Variants in RNF13 observed in about 807,000 individuals in gnomAD.
The protein encoded by RNF13 is ring finger protein 13, also known as E3 ubiquitin-protein ligase RNF13.
In RNF13, 19 loss-of-function variants were observed where a neutral mutation model predicts 37.7. That is an observed-to-expected ratio of 0.50 (90% CI 0.35 to 0.74). The LOEUF (loss-of-function observed/expected upper bound fraction) is 0.74. Among genes scored for constraint, RNF13 ranks in the 30% least tolerant of loss-of-function variants. RNF13 has a pLI of 0.01. For synonymous variants in RNF13, 144 were observed against 157.8 expected (o/e 0.91, Z 0.65); for missense variants, 375 against 453.0 (o/e 0.83, Z 1.56).
At chr3:149,911,949 C>T in intron 6 of RNF13, 29 bp from the exon 7 acceptor site, 1 of 1,130,132 alleles carries the variant, frequency 8.8e-7, no homozygotes, top group South Asian at 1.3e-5. Flanking sequence ...CTCTTCATTT[C>T]TCAATTATTG....
chr3:149,868,719 G>A (rs1711627658), intron 3 of RNF13, among the ~76,000 whole-genome samples: 1 of 151,232 alleles, frequency 6.6e-6, no homozygotes. Flanking sequence ...GTTGCCAGAT[G>A]AATTGGAACT....
At chr3:149,868,515 C>G (rs949103523) in intron 3 of RNF13, among the ~76,000 whole-genome samples, 1 of 150,848 alleles carries the variant, frequency 6.6e-6, no homozygotes, top group East Asian at 1.9e-4. Context: ...TCCTCCCTGC[C>G]TCCCTCCCTT....
chr3:149,865,331 T>G (rs1002693174), intron 3 of RNF13, among the ~76,000 whole-genome samples: 2 of 145,966 alleles, frequency 1.4e-5, no homozygotes, highest in African/African-American at 5.0e-5. Context: ...GTTTTGGTGA[T>G]ATATATATAT....
intron 8 of RNF13, among the ~76,000 whole-genome samples, chr3:149,937,215 T>C (rs1719781050): frequency 6.6e-6 from 1 of 152,132 alleles, no homozygotes; most frequent in Admixed American, 6.5e-5. Flanking sequence ...CAACAGGCAC[T>C]AGCAATGCTT....
intron 6 of RNF13, among the ~76,000 whole-genome samples, chr3:149,906,556 T>C: frequency 6.6e-6 from 1 of 152,192 alleles, no homozygotes; most frequent in East Asian, 1.9e-4. Flanking sequence ...TTACATTATA[T>C]TCATAAATTA....
chr3:149,936,397 G>C (rs1719677270), intron 8 of RNF13, among the ~76,000 whole-genome samples: 1 of 151,736 alleles, frequency 6.6e-6, no homozygotes, highest in Non-Finnish European at 1.5e-5. Flanking sequence ...CTATTTTCTA[G>C]ATCTTATATG....
At chr3:149,885,247 C>T (rs1476441217) in intron 4 of RNF13, among the ~76,000 whole-genome samples, 1 of 151,990 alleles carries the variant, frequency 6.6e-6, no homozygotes, top group Admixed American at 6.5e-5. Context: ...ATATACCCAG[C>T]ACTGAGGTTG....
At chr3:149,907,314 CTT>C (rs1408008270) in intron 6 of RNF13, among the ~76,000 whole-genome samples, 13 of 152,126 alleles carry the variant, frequency 8.5e-5, no homozygotes, top group Non-Finnish European at 1.8e-4. Context: ...GCATCTTTCC[CTT>C]GTTACTCCCT....
At chr3:149,943,244 A>AT (rs1425705870) in intron 8 of RNF13, among the ~76,000 whole-genome samples, 3 of 127,102 alleles carry the variant, frequency 2.4e-5, no homozygotes, top group South Asian at 4.9e-4. Flanking sequence ...TTAAGACTTT[A>AT]TTTTTTAGAG....
At position 149,912,000 on chromosome 3, in the gene RNF13, G is replaced by T. The variant is rs745474956; in HGVS notation, c.523G>T (p.Glu175Ter). 6.3e-7 allele frequency: 1 copy of T among 1,589,408 alleles called. No individual in the cohort carries two copies. Among genetic ancestry groups the T allele is most frequent in the South Asian group, 1.1e-5 (1 of 89,978 alleles). Residue 175 changes from glutamate to a stop codon, truncating the protein, a stop_gained, in exon 7 of 10, where the codon GAA (glutamate) becomes TAA (stop). Coordinates refer to ENST00000392894, the MANE Select transcript of RNF13 (RefSeq NM_183381.3). LOFTEE classifies it high-confidence loss of function. ...EKGGHLILVP[E>*]FSLPLEYYLI... ...TAGGGGCCACCTTATCTTAGTTCCAGAATTTAGTCTTCCTTTGGAATACTA... is the reference window on the plus strand; with the variant it reads ...TAGGGGCCACCTTATCTTAGTTCCATAATTTAGTCTTCCTTTGGAATACTA...
rs932566154 is a variant in RNF13, at chr3:149,858,310, G to A, written c.195+5714G>A. On this transcript the variant is annotated intron_variant, in intron 3 of 9. Coordinates refer to ENST00000392894, the MANE Select transcript of RNF13 (RefSeq NM_183381.3). ...CTTTACATGTGGATTTGTAATGGTA[G>A]CAAGCAAGGTCTCTTGCTATACTTT... Among the ~76,000 whole-genome samples, 61 of 152,176 alleles carry A rather than the reference G, an allele frequency of 4.0e-4. 4 individuals carry two copies. The highest frequency in any genetic ancestry group is 1.5e-5 in the Non-Finnish European group (1 of 68,020).
intron 8 of RNF13, chr3:149,959,829 A>T: frequency 2.7e-6 from 1 of 371,226 alleles, no homozygotes; most frequent in Non-Finnish European, 4.8e-6. Flanking sequence ...AATATTTTGC[A>T]AAGATAATCA....
rs193137147 is a variant in RNF13, at chr3:149,918,285, A to G, written c.607-2849A>G. Among the ~76,000 whole-genome samples, 503 of 152,268 alleles carry G rather than the reference A, an allele frequency of 3.3e-3. 2 individuals are homozygous for G. The highest frequency in any genetic ancestry group is 0.017 in the Middle Eastern group (5 of 294). ...TATGTTTCAAGTGCTCAGTAGTCAC[A>G]TGTACTTGGTGGCTACCATATTGGA... is the stretch of plus-strand genomic sequence containing the variant. On this transcript the variant is annotated intron_variant, in intron 7 of 9. Coordinates refer to ENST00000392894, the MANE Select transcript of RNF13 (RefSeq NM_183381.3).
chr3:149,922,583 C>T (rs896397934), intron 8 of RNF13, among the ~76,000 whole-genome samples: 73 of 152,238 alleles, frequency 4.8e-4, no homozygotes, highest in African/African-American at 1.8e-3. Context: ...ACTTACCTTC[C>T]TCCTATTCTG....
intron 1 of RNF13, among the ~76,000 whole-genome samples, chr3:149,813,580 G>T (rs1435934932): frequency 6.6e-6 from 1 of 152,208 alleles, no homozygotes; most frequent in Non-Finnish European, 1.5e-5. Flanking sequence ...GCGAGTTTGT[G>T]TGTGTCCAAA....
intron 2 of RNF13, among the ~76,000 whole-genome samples, chr3:149,850,501 A>G (rs982712439): frequency 2.0e-5 from 3 of 152,240 alleles, no homozygotes; most frequent in Non-Finnish European, 2.9e-5. Flanking sequence ...TCAGTAACAA[A>G]ACTTATTCCA....
At chr3:149,886,256 A>G (rs1714020463) in intron 4 of RNF13, among the ~76,000 whole-genome samples, 1 of 151,976 alleles carries the variant, frequency 6.6e-6, no homozygotes, top group Non-Finnish European at 1.5e-5. Flanking sequence ...GTTTTTCTCT[A>G]TTTCTGTGAA....
At chr3:149,952,448 T>A (rs1721436369) in intron 8 of RNF13, among the ~76,000 whole-genome samples, 2 of 152,142 alleles carry the variant, frequency 1.3e-5, no homozygotes, top group South Asian at 4.1e-4. Flanking sequence ...ATTTCCTTTA[T>A]ATGTAGGAAA....
chr3:149,949,109 A>G (rs1227459796), intron 8 of RNF13, among the ~76,000 whole-genome samples: 1 of 151,594 alleles, frequency 6.6e-6, no homozygotes, highest in East Asian at 1.9e-4. Flanking sequence ...ATATTTGTCT[A>G]TATATTTAAC....
Sources: allele counts gnomAD v4.1 joint callset (sites outside exome capture counted in the v4.1 genomes callset), GRCh38; gene constraint gnomAD v4.1.1; transcripts MANE v1.5; gene names NCBI Gene and HGNC (gene_info 2026-07-23, HGNC 2026-07-21).